Variants in RBFOX1 observed in about 807,000 individuals in gnomAD.
RBFOX1 encodes the protein RNA binding protein fox-1 homolog 1.
RBFOX1 carries 8 observed loss-of-function variants against 57.7 expected under a neutral mutation model. The ratio of observed to expected loss-of-function variants is 0.14; its 90% CI spans 0.08 to 0.25. The LOEUF (loss-of-function observed/expected upper bound fraction) is 0.25, where lower values mean the gene tolerates loss of function less well. Ranked by LOEUF, RBFOX1 falls within the 10% of genes least tolerant of loss-of-function variation. The pLI is 1.00. For synonymous variants in RBFOX1, 326 were observed against 222.4 expected (o/e 1.47, Z -4.15); for missense variants, 611 against 548.5 (o/e 1.11, Z -1.14).
chr16:5,973,251 A>C (rs904850656), intron 4 of RBFOX1, among the ~76,000 whole-genome samples: 8 of 152,200 alleles, frequency 5.3e-5, no homozygotes, highest in Admixed American at 5.2e-4. Context: ...ATATGAACAG[A>C]GTCTAAGGTG....
chr16:5,539,289 C>G (rs950624116), intron 2 of RBFOX1, among the ~76,000 whole-genome samples: 1 of 152,046 alleles, frequency 6.6e-6, no homozygotes, highest in Non-Finnish European at 1.5e-5. Context: ...TGTTTTTAAA[C>G]CTTGTTCCAA....
intron 3 of RBFOX1, among the ~76,000 whole-genome samples, chr16:6,866,106 C>T (rs1257687590): frequency 6.6e-6 from 1 of 151,818 alleles, no homozygotes; most frequent in Non-Finnish European, 1.5e-5. Context: ...AAAATAATTC[C>T]CCTCTCCTTT....
At chr16:7,703,112 CCA>C (rs75618952) in intron 14 of RBFOX1, among the ~76,000 whole-genome samples, 31,625 of 152,174 alleles carry the variant, frequency 0.21, 3,553 homozygotes, top group South Asian at 0.29. Flanking sequence ...AACCACTGAA[CCA>C]CAGTTGGTGC....
chr16:7,204,481 A>T lies in RBFOX1; in HGVS notation c.27+152383A>T, dbSNP rs117889947. ...ACATAGTAAGACATTGTCTCTATAA[A>T]AATTATAATAGTAAATTAGCCAGGC... On this transcript the variant is annotated intron_variant, in intron 4 of 15. Transcript: ENST00000550418. Among the ~76,000 whole-genome samples the T allele has an allele frequency of 2.8e-4, 42 of 152,242 alleles. No individual in the cohort carries two copies. In the East Asian group the frequency reaches 7.0e-3, roughly 25 times the overall value.
intron 2 of RBFOX1, among the ~76,000 whole-genome samples, chr16:6,474,629 G>A (rs2095244769): frequency 1.3e-5 from 2 of 152,112 alleles, no homozygotes; most frequent in South Asian, 4.2e-4. Flanking sequence ...TGCCCCAAGT[G>A]GGGCAGGTGG....
intron 3 of RBFOX1, among the ~76,000 whole-genome samples, chr16:6,989,303 T>C (rs2090996513): frequency 6.6e-6 from 1 of 152,238 alleles, no homozygotes; most frequent in African/African-American, 2.4e-5. Context: ...TCTATGAAGA[T>C]ATATTTACAA....
intron 1 of RBFOX1, among the ~76,000 whole-genome samples, chr16:5,426,243 G>A (rs9930147): frequency 5.3e-5 from 8 of 152,130 alleles, no homozygotes; most frequent in Non-Finnish European, 8.8e-5. Context: ...GTAGGTGTTG[G>A]AAGGAGCTGG....
At chr16:6,473,814 AG>A (rs2095230213) in intron 2 of RBFOX1, among the ~76,000 whole-genome samples, 1 of 152,286 alleles carries the variant, frequency 6.6e-6, no homozygotes, top group East Asian at 1.9e-4. Flanking sequence ...CTAAGTAGAA[AG>A]GGGTGTTCCT....
chr16:7,095,054 C>A (rs973596554), intron 4 of RBFOX1, among the ~76,000 whole-genome samples: 3 of 152,010 alleles, frequency 2.0e-5, no homozygotes, highest in African/African-American at 7.2e-5. Flanking sequence ...GCAAATCTGT[C>A]TATATTTTGT....
At chr16:5,777,527 G>A (rs1377481769) in intron 3 of RBFOX1, among the ~76,000 whole-genome samples, 2 of 152,218 alleles carry the variant, frequency 1.3e-5, no homozygotes, top group African/African-American at 4.8e-5. Context: ...AGGCTCTGAA[G>A]TTGCATTGAC....
At chr16:7,265,128 G>A (rs543690030) in intron 4 of RBFOX1, among the ~76,000 whole-genome samples, 6 of 152,350 alleles carry the variant, frequency 3.9e-5, no homozygotes, top group African/African-American at 1.4e-4. Flanking sequence ...ACTAGACTCT[G>A]TTCTGCGCAC....
chr16:7,275,855 A>T (rs973495922), intron 4 of RBFOX1, among the ~76,000 whole-genome samples: 7 of 152,308 alleles, frequency 4.6e-5, no homozygotes, highest in Admixed American at 6.5e-5. Flanking sequence ...TGTCCACTCC[A>T]ACCTGTGCAG....
intron 3 of RBFOX1, among the ~76,000 whole-genome samples, chr16:7,032,413 A>G (rs1045464720): frequency 9.9e-4 from 151 of 152,218 alleles, no homozygotes; most frequent in African/African-American, 3.3e-3. Flanking sequence ...GTGCACTCCA[A>G]TCTGGGCAAT....
intron 3 of RBFOX1, among the ~76,000 whole-genome samples, chr16:6,793,274 C>G (rs1397071587): frequency 6.6e-6 from 1 of 151,982 alleles, no homozygotes; most frequent in South Asian, 2.1e-4. Flanking sequence ...ATGTGGTCCC[C>G]CTGTTAGGCT....
chr16:6,497,695 T>G (rs1191913952), intron 2 of RBFOX1, among the ~76,000 whole-genome samples: 1 of 152,044 alleles, frequency 6.6e-6, no homozygotes, highest in Admixed American at 6.6e-5. Context: ...TAGCTGAGAT[T>G]ACAGGCAGAT....
intron 4 of RBFOX1, among the ~76,000 whole-genome samples, chr16:7,091,418 G>A (rs1368884075): frequency 2.0e-5 from 3 of 151,712 alleles, no homozygotes; most frequent in South Asian, 2.1e-4. Context: ...TTTAAAATGG[G>A]AGAAGAGCAA....
intron 4 of RBFOX1, among the ~76,000 whole-genome samples, chr16:7,219,351 A>C (rs1301562232): frequency 1.3e-5 from 2 of 152,328 alleles, no homozygotes; most frequent in Non-Finnish European, 1.5e-5. Context: ...CGAGCTGAAT[A>C]AGTCAGAAAG....
intron 4 of RBFOX1, among the ~76,000 whole-genome samples, chr16:7,403,207 T>A (rs1047464641): frequency 6.6e-6 from 1 of 152,208 alleles, no homozygotes; most frequent in Admixed American, 6.5e-5. Context: ...AGTGAAGGTA[T>A]CTATCAGCTC....
At chr16:7,708,307 T>G (rs2083166027) in intron 14 of RBFOX1, among the ~76,000 whole-genome samples, 1 of 152,218 alleles carries the variant, frequency 6.6e-6, no homozygotes, top group Admixed American at 6.5e-5. Context: ...TTTCCATCTC[T>G]TCTCCATTTT....
Sources: allele counts gnomAD v4.1 joint callset (sites outside exome capture counted in the v4.1 genomes callset), GRCh38; gene constraint gnomAD v4.1.1; transcripts MANE v1.5; gene names NCBI Gene and HGNC (gene_info 2026-07-23, HGNC 2026-07-21).